The following SEMA3D variants were observed in gnomAD, a reference collection of about 807,000 sequenced individuals.
The protein encoded by SEMA3D is semaphorin 3D, also known as semaphorin-3D.
A neutral mutation model predicts 100.1 loss-of-function variants in SEMA3D; 84 were observed. The ratio of observed to expected loss-of-function variants is 0.84; its 90% CI spans 0.70 to 1.01. The LOEUF (loss-of-function observed/expected upper bound fraction) is 1.01. SEMA3D is among the 50% of genes least tolerant of loss of function. The pLI is 0.00. For missense variants in SEMA3D, 875 were observed against 934.1 expected (o/e 0.94, Z 0.82); for synonymous variants, 312 against 320.7 (o/e 0.97, Z 0.29).
chr7:85,038,452 G>A (rs936121490), intron 11 of SEMA3D, among the ~76,000 whole-genome samples: 1 of 152,156 alleles, frequency 6.6e-6, no homozygotes, highest in African/African-American at 2.4e-5. Context: ...GGTTTATTAT[G>A]TCTTCTTGTT....
chr7:85,095,273 G>A (rs993016821), intron 4 of SEMA3D, among the ~76,000 whole-genome samples: 10 of 151,990 alleles, frequency 6.6e-5, no homozygotes, highest in Non-Finnish European at 1.3e-4. Context: ...TGCACTAAAT[G>A]CCCATGGCAA....
At chr7:85,001,824 T>C (rs1415262271) in intron 18 of SEMA3D, among the ~76,000 whole-genome samples, 3 of 152,170 alleles carry the variant, frequency 2.0e-5, no homozygotes, top group Non-Finnish European at 4.4e-5. Flanking sequence ...TTTATTACTG[T>C]AATTCTCTTA....
intron 5 of SEMA3D, among the ~76,000 whole-genome samples, 192 bp from the exon 6 acceptor site, chr7:85,073,273 A>T (rs879144785): frequency 6.6e-6 from 1 of 152,188 alleles, no homozygotes; most frequent in Non-Finnish European, 1.5e-5. Context: ...GGTATAAAGG[A>T]GTAGCTTTTT....
chr7:85,134,270 T>C (rs1789799680), intron 2 of SEMA3D, among the ~76,000 whole-genome samples: 1 of 151,952 alleles, frequency 6.6e-6, no homozygotes, highest in African/African-American at 2.4e-5. Flanking sequence ...GACTACTAAA[T>C]ATGTTTGAAG....
intron 9 of SEMA3D, among the ~76,000 whole-genome samples, chr7:85,048,801 C>G (rs1429424627): frequency 6.6e-6 from 1 of 151,750 alleles, no homozygotes; most frequent in African/African-American, 2.4e-5. Context: ...ATTTGGCAGT[C>G]AACTCCGGTA....
At chr7:85,127,665 AC>A (rs1235933994) in intron 2 of SEMA3D, among the ~76,000 whole-genome samples, 2 of 152,160 alleles carry the variant, frequency 1.3e-5, no homozygotes, top group Non-Finnish European at 2.9e-5. Flanking sequence ...ACTGTGAATG[AC>A]TTTATTGATA....
chr7:85,112,652 G>A (rs2116370208), intron 3 of SEMA3D, among the ~76,000 whole-genome samples: 2 of 152,236 alleles, frequency 1.3e-5, no homozygotes, highest in South Asian at 4.1e-4. Flanking sequence ...CAGGGTCTGA[G>A]CCTCAAGTAT....
chr7:85,159,833 G>A, intron 1 of SEMA3D: 7 of 984,596 alleles, frequency 7.1e-6, no homozygotes, highest in Non-Finnish European at 8.4e-6. Context: ...CCTTCACACT[G>A]TCCTGCAGAT....
At chr7:85,094,527 G>C (rs918312183) in intron 4 of SEMA3D, among the ~76,000 whole-genome samples, 1 of 151,938 alleles carries the variant, frequency 6.6e-6, no homozygotes, top group African/African-American at 2.4e-5. Context: ...CTGCTTCCTA[G>C]CTTTCCTCCC....
chr7:85,009,248 G>C lies in SEMA3D; in HGVS notation c.1769-2307C>G, dbSNP rs1354124484. Among the ~76,000 whole-genome samples, 5 of 151,432 alleles carry C rather than the reference G, an allele frequency of 3.3e-5. No individual in the cohort carries two copies. In the East Asian group the frequency reaches 9.8e-4, roughly 30 times the overall value. ...AATACCTCTTTATAATAAATATATA[G>C]CTTGTCATTAAAGTGCAAGATTGAT... On this transcript the variant is annotated intron_variant, in intron 17 of 18. Coordinates refer to ENST00000284136, the MANE Select transcript of SEMA3D (RefSeq NM_001384900.1).
chr7:85,242,452 G>A, the SEMA3D span, among the ~76,000 whole-genome samples: 1 of 151,964 alleles, frequency 6.6e-6, no homozygotes, highest in African/African-American at 2.4e-5. Context: ...GCTATAGAAA[G>A]GTATGTCATT....
the SEMA3D span, among the ~76,000 whole-genome samples, chr7:85,207,783 A>T: frequency 6.6e-6 from 1 of 152,074 alleles, no homozygotes; most frequent in South Asian, 2.1e-4. Flanking sequence ...TAATCATTAA[A>T]AAATTAATCT....
chr7:85,157,169 G>A (rs1029767364), intron 1 of SEMA3D, among the ~76,000 whole-genome samples: 1 of 152,026 alleles, frequency 6.6e-6, no homozygotes, highest in Non-Finnish European at 1.5e-5. Flanking sequence ...TCTTGTTTTT[G>A]TAATAATAAA....
intron 11 of SEMA3D, among the ~76,000 whole-genome samples, chr7:85,039,460 T>C (rs1471247943): frequency 6.6e-6 from 1 of 152,162 alleles, no homozygotes; most frequent in Admixed American, 6.6e-5. Context: ...AGTTTCACCA[T>C]GCTGGGGAGG....
intron 9 of SEMA3D, among the ~76,000 whole-genome samples, chr7:85,051,168 A>G (rs1341213895): frequency 6.6e-6 from 1 of 151,834 alleles, no homozygotes; most frequent in East Asian, 1.9e-4. Flanking sequence ...GCTTGGTAAA[A>G]TAGTTATGGA....
intron 2 of SEMA3D, among the ~76,000 whole-genome samples, chr7:85,145,033 C>A (rs1458414134): frequency 6.6e-6 from 1 of 152,034 alleles, no homozygotes; most frequent in Non-Finnish European, 1.5e-5. Context: ...ATACTTGAAA[C>A]CTCATTAGGA....
chr7:85,124,286 C>G (rs1028874818), intron 2 of SEMA3D, among the ~76,000 whole-genome samples: 4 of 151,788 alleles, frequency 2.6e-5, no homozygotes, highest in African/African-American at 9.7e-5. Flanking sequence ...TACAGATTCT[C>G]CTTAAAAACT....
At chr7:85,124,187 G>C (rs1441878156) in intron 2 of SEMA3D, among the ~76,000 whole-genome samples, 1 of 151,878 alleles carries the variant, frequency 6.6e-6, no homozygotes, top group Non-Finnish European at 1.5e-5. Flanking sequence ...TATGAGTTTT[G>C]AATCATTCAA....
the SEMA3D span, among the ~76,000 whole-genome samples, chr7:85,243,767 A>C: frequency 6.6e-6 from 1 of 152,090 alleles, no homozygotes; most frequent in Non-Finnish European, 1.5e-5. Flanking sequence ...CTTTTCAGGA[A>C]CTCATTATAT....
Sources: gnomAD v4.1 joint callset for allele counts (sites outside exome capture counted in the v4.1 genomes callset) on GRCh38, gnomAD v4.1.1 for gene constraint, MANE v1.5 for transcripts, NCBI Gene and HGNC (gene_info 2026-07-23, HGNC 2026-07-21) for gene names.